The following VPS54 variants were observed in gnomAD, a reference collection of about 807,000 sequenced individuals.
VPS54 encodes the protein VPS54 subunit of GARP complex, also known as vacuolar protein sorting-associated protein 54.
Under a neutral mutation model 121.5 loss-of-function variants are expected in VPS54, and 45 were observed. That is an observed-to-expected ratio of 0.37 (90% CI 0.29 to 0.47). The LOEUF (loss-of-function observed/expected upper bound fraction) is 0.47. Among genes scored for constraint, VPS54 ranks in the 20% least tolerant of loss-of-function variants. The probability of loss-of-function intolerance (pLI) is 0.99; values close to 1 mark genes in which losing one functional copy is unlikely to be tolerated. For synonymous variants in VPS54, 371 were observed against 385.8 expected (o/e 0.96, Z 0.45); for missense variants, 1,090 against 1,131.4 (o/e 0.96, Z 0.52).
At chr2:63,943,154 A>G (rs1674815316) in intron 10 of VPS54, among the ~76,000 whole-genome samples, 1 of 152,222 alleles carries the variant, frequency 6.6e-6, no homozygotes. Context: ...TTCATGACAC[A>G]TTTTTAAAAG....
chr2:63,900,953 G>A (rs1012655814), intron 20 of VPS54, among the ~76,000 whole-genome samples: 1 of 151,998 alleles, frequency 6.6e-6, no homozygotes, highest in Non-Finnish European at 1.5e-5. Flanking sequence ...GTAGAGACAG[G>A]GTTTCACCAT....
intron 20 of VPS54, among the ~76,000 whole-genome samples, chr2:63,909,482 C>T (rs148518279): frequency 0.13 from 15,705 of 125,186 alleles, 1,077 homozygotes; most frequent in Middle Eastern, 0.27. Flanking sequence ...AGTGCAGTGG[C>T]GTGATCTTGG....
At chr2:63,934,785 C>T (rs1674377392) in intron 11 of VPS54, among the ~76,000 whole-genome samples, 1 of 152,156 alleles carries the variant, frequency 6.6e-6, no homozygotes, top group East Asian at 1.9e-4. Context: ...AATCCTAATG[C>T]CTAGAATAGT....
intron 17 of VPS54, chr2:63,913,721 A>G (rs1673254576): frequency 4.6e-6 from 2 of 433,418 alleles, no homozygotes; most frequent in South Asian, 7.9e-5. Context: ...TTTCCTCCGT[A>G]CTGGTAGTTT....
rs577514515 is a variant in VPS54 at position 64,008,139 on chromosome 2, G to C, written c.-21+10799C>G. On this transcript the variant is annotated intron_variant, in intron 1 of 22. Transcript: ENST00000272322. ...ATTAAAGAGGAACAAGAGGCCGGGC[G>C]CAGTGGCTCATGTCTGTAATTCCAG... 3.9e-5 allele frequency among the ~76,000 whole-genome samples: 6 copies of C among 152,176 alleles called. No homozygotes were observed. In the East Asian group the frequency reaches 7.7e-4, roughly 20 times the overall value.
In VPS54 at chr2:63,901,068, G is replaced by A. The variant is rs145102186; in HGVS notation, c.2626-1487C>T. On this transcript the variant is annotated intron_variant, in intron 20 of 22. Transcript: ENST00000272322. ...TGCCACCACGTCCGACCTCAAATCC[G>A]TTTTATACACTATCTGATTAATACT... 5.3e-5 allele frequency among the ~76,000 whole-genome samples: 8 copies of A among 152,188 alleles called. No individual in the cohort carries two copies. In the East Asian group the frequency reaches 1.2e-3, roughly 22 times the overall value.
At chr2:64,003,737 G>C (rs535273579) in intron 1 of VPS54, among the ~76,000 whole-genome samples, 1 of 152,222 alleles carries the variant, frequency 6.6e-6, no homozygotes, top group East Asian at 1.9e-4. Flanking sequence ...GATTTCCAAG[G>C]ATGAGTAAAT....
intron 11 of VPS54, 50 bp downstream of exon 11, chr2:63,942,415 A>G: frequency 2.3e-6 from 3 of 1,296,302 alleles, no homozygotes; most frequent in Non-Finnish European, 3.2e-6. Flanking sequence ...GTATCTAGAA[A>G]GCTGACTTAA....
In VPS54 at chr2:63,951,311, T is replaced by C. The variant is rs898643967; in HGVS notation, c.1011-2148A>G. 3.3e-5 allele frequency among the ~76,000 whole-genome samples: 5 copies of C among 151,946 alleles called. No homozygotes were observed. In the East Asian group the frequency reaches 5.8e-4, roughly 18 times the overall value. Reference sequence around the variant, plus strand: ...TTTTTACTGTAAATGTCATGACTTCTCTCTGCTTCTTGGGAGTACTTCCAG... The same window carrying C: ...TTTTTACTGTAAATGTCATGACTTCCCTCTGCTTCTTGGGAGTACTTCCAG... On this transcript the variant is annotated intron_variant, in intron 7 of 22. Transcript: ENST00000272322.
At chr2:63,922,234 C>T (rs1462670651) in intron 12 of VPS54, among the ~76,000 whole-genome samples, 2 of 152,070 alleles carry the variant, frequency 1.3e-5, no homozygotes, top group African/African-American at 4.8e-5. Flanking sequence ...CATTTTCCCC[C>T]AGGGGCATAT....
At chr2:63,912,308 CTT>C (rs779542322) in intron 20 of VPS54, 35 bp downstream of exon 20, 1 of 1,516,658 alleles carries the variant, frequency 6.6e-7, no homozygotes, top group South Asian at 1.2e-5. Context: ...ATCATAATGT[CTT>C]TGAACAAAGT....
chr2:63,975,095 T>C, intron 3 of VPS54: 8 of 1,488,804 alleles, frequency 5.4e-6, no homozygotes, highest in South Asian at 1.2e-5. Context: ...ACCCAATCTG[T>C]AGTGCAGTGG....
chr2:64,002,684 G>T (rs898310876), intron 1 of VPS54, among the ~76,000 whole-genome samples: 18 of 152,160 alleles, frequency 1.2e-4, no homozygotes, highest in African/African-American at 4.1e-4. Flanking sequence ...AGTTATTTCT[G>T]TATCTGAGGA....
chr2:63,955,620 G>T (rs1675458132), intron 7 of VPS54, among the ~76,000 whole-genome samples: 1 of 151,764 alleles, frequency 6.6e-6, no homozygotes, highest in South Asian at 2.1e-4. Flanking sequence ...ATCTAATACA[G>T]GCTATATAAT....
At position 63,897,525 on chromosome 2, in the gene VPS54, A is replaced by C; in HGVS notation, c.2799T>G (p.Asn933Lys). The part of the protein sequence containing the change: ...LHLKKQLSHL[N>K]VINDGGPQNG... Reference sequence around the variant, plus strand: ...TTTGAGGTCCTCCATCATTTATCACATTTAAGTGAGATAACTGCTTTTTCA... The same window carrying C: ...TTTGAGGTCCTCCATCATTTATCACCTTTAAGTGAGATAACTGCTTTTTCA... Residue 933 changes from asparagine to lysine, a missense_variant, in exon 22 of 23, where the codon AAT becomes AAG. Coordinates refer to ENST00000272322, the MANE Select transcript of VPS54 (RefSeq NM_016516.3). 6.2e-7 allele frequency: 1 copy of C among 1,601,868 alleles called. No homozygotes were observed. The highest frequency in any genetic ancestry group is 2.2e-5 in the East Asian group (1 of 44,566).
chr2:64,015,500 T>A (rs1159347213), intron 1 of VPS54, among the ~76,000 whole-genome samples: 1 of 152,184 alleles, frequency 6.6e-6, no homozygotes, highest in African/African-American at 2.4e-5. Context: ...CCCCTAGGTT[T>A]ACAATGGTAC....
Position 63,979,309 on chromosome 2 carries a change from G to A in VPS54, c.378+2337C>T, listed in dbSNP as rs6727603. On this transcript the variant is annotated intron_variant, in intron 3 of 22. Coordinates refer to ENST00000272322, the MANE Select transcript of VPS54 (RefSeq NM_016516.3). ...GGCTAGAGTGCAATGGTGCGATCTC[G>A]GCTCACTGCAACCTCAACCACCCAG... Among the ~76,000 whole-genome samples the A allele has an allele frequency of 2.0e-3, 295 of 149,116 alleles. 2 individuals carry two copies. Among genetic ancestry groups the A allele is most frequent in the African/African-American group, 7.2e-3 (292 of 40,478 alleles).
intron 1 of VPS54, among the ~76,000 whole-genome samples, chr2:64,011,066 A>C (rs2104703437): frequency 6.6e-6 from 1 of 152,370 alleles, no homozygotes; most frequent in South Asian, 2.1e-4. Context: ...TAGGAGGATA[A>C]AAATTATAAC....
intron 4 of VPS54, among the ~76,000 whole-genome samples, chr2:63,970,242 A>AATAT (rs1336592832): frequency 4.7e-5 from 2 of 43,006 alleles, no homozygotes; most frequent in African/African-American, 2.1e-4. Flanking sequence ...CACACATTCT[A>AATAT]ATATATATAT....
Sources: allele counts gnomAD v4.1 joint callset (sites outside exome capture counted in the v4.1 genomes callset), GRCh38; gene constraint gnomAD v4.1.1; transcripts MANE v1.5; gene names NCBI Gene and HGNC (gene_info 2026-07-23, HGNC 2026-07-21).